PARVG: variants seen among roughly 807,000 people sequenced by gnomAD.
The protein encoded by PARVG is parvin gamma, also known as gamma-parvin.
In PARVG, 36 loss-of-function variants were observed where a neutral mutation model predicts 44.4. The observed-to-expected ratio is 0.81, with a 90% CI of 0.62 to 1.07. The LOEUF is 1.07. PARVG is among the 50% of genes least tolerant of loss of function. PARVG has a pLI of 0.00. For synonymous variants in PARVG, 170 were observed against 174.1 expected (o/e 0.98, Z 0.19); for missense variants, 407 against 407.4 (o/e 1.00, Z 0.01).
chr22:44,190,498 C>G, intron 6 of PARVG, 53 bp from the exon 7 acceptor site: 1 of 1,365,024 alleles, frequency 7.3e-7, no homozygotes, highest in Non-Finnish European at 1.0e-6. Context: ...CTCCATTTGG[C>G]TGCACGTTTT....
chr22:44,183,474 T>C, intron 3 of PARVG, 66 bp downstream of exon 3: 1 of 1,426,268 alleles, frequency 7.0e-7, no homozygotes, highest in Non-Finnish European at 9.3e-7. Context: ...AGCCTGGCCA[T>C]GCCTGGGACT....
rs1238000830 is a variant in PARVG, at chr22:44,187,788, T to A, written c.157T>A (p.Trp53Arg). The change falls in exon 5 of 14, where the codon TGG (tryptophan) becomes AGG (arginine). Residue 53 changes from tryptophan to arginine, a missense_variant. Trp to Arg is a moderately radical substitution (Grantham distance 101). Coordinates refer to ENST00000444313, the MANE Select transcript of PARVG (RefSeq NM_022141.7). ...FEELQKVLME[W>R]INATLLPEHI... ...TTGGAGCCTGCAGGTGTTGATGGAGTGGATCAATGCCACTCTTCTCCCCGA... is the reference window on the plus strand; with the variant it reads ...TTGGAGCCTGCAGGTGTTGATGGAGAGGATCAATGCCACTCTTCTCCCCGA... The A allele has an allele frequency of 1.2e-6, 2 of 1,614,018 alleles. No individual in the cohort carries two copies. The highest frequency in any genetic ancestry group is 8.5e-7 in the Non-Finnish European group (1 of 1,179,970).
intron 12 of PARVG, 100 bp downstream of exon 12, chr22:44,198,822 A>G: frequency 1.1e-6 from 1 of 925,760 alleles, no homozygotes. Flanking sequence ...GGTGAAGTGA[A>G]GGGTGTAGGG....
At chr22:44,190,500 G>T (rs1250848549) in intron 6 of PARVG, 51 bp from the exon 7 acceptor site, 1 of 1,386,110 alleles carries the variant, frequency 7.2e-7, no homozygotes, top group East Asian at 2.3e-5. Context: ...CCATTTGGCT[G>T]CACGTTTTGG....
At chr22:44,195,550 G>A (rs542416376) in intron 9 of PARVG, among the ~76,000 whole-genome samples, 1 of 152,366 alleles carries the variant, frequency 6.6e-6, no homozygotes, top group Admixed American at 6.5e-5. Flanking sequence ...GGACCCCAGG[G>A]CCTGAGCCGC....
rs561201222 is a variant in PARVG at position 44,185,490 on chromosome 22, C to G, written c.80-318C>G. The G allele has an allele frequency of 2.0e-4, 53 of 268,646 alleles. No individual in the cohort carries two copies. The South Asian group carries it at 2.1e-3, about 11-fold the overall frequency. The allele number at this position is 268,646 out of a possible 1,614,324, so 16.6% of individuals were successfully genotyped here. On this transcript the variant is annotated intron_variant, in intron 3 of 13. Coordinates refer to ENST00000444313, the MANE Select transcript of PARVG (RefSeq NM_022141.7). ...AGAGCCTGGTGAGCCTGGGCACCTC[C>G]TCCCCTCTCTGGCTGGGGTTTCACT...
chr22:44,193,266 G>C (rs1235511566), intron 8 of PARVG, among the ~76,000 whole-genome samples: 1 of 152,178 alleles, frequency 6.6e-6, no homozygotes, highest in Non-Finnish European at 1.5e-5. Context: ...AATAAAAATG[G>C]AGTGAAAGAA....
intron 6 of PARVG, among the ~76,000 whole-genome samples, chr22:44,189,778 G>A (rs1013803841): frequency 9.9e-5 from 15 of 152,170 alleles, no homozygotes; most frequent in African/African-American, 2.7e-4. Flanking sequence ...TTAGCTGGGC[G>A]TGGTGGCCGG....
intron 12 of PARVG, 91 bp downstream of exon 12, chr22:44,198,813 G>A: frequency 1.0e-6 from 1 of 1,003,488 alleles, no homozygotes; most frequent in Non-Finnish European, 1.6e-6. Context: ...TCACTTCCAG[G>A]TGAAGTGAAG....
chr22:44,176,030 A>G (rs2054316194), upstream of PARVG, among the ~76,000 whole-genome samples: 1 of 152,140 alleles, frequency 6.6e-6, no homozygotes, highest in Admixed American at 6.6e-5. Context: ...ACATCCACAC[A>G]GGGTTCTGAT....
rs115441623 is a variant in PARVG at position 44,186,211 on chromosome 22, C to T, written c.144+339C>T. On this transcript the variant is annotated intron_variant, in intron 4 of 13. Transcript: ENST00000444313. ...CATCTGTCAGGGGCACGCAGCTGCC[C>T]GTAACGGAGCTGTGGTTTGACACGA... 747 of 307,962 alleles carry T rather than the reference C, an allele frequency of 2.4e-3. 4 individuals are homozygous for T. The highest frequency in any genetic ancestry group is 0.015 in the African/African-American group (688 of 46,440). 19.1% of individuals were successfully genotyped at this position (307,962 alleles called of 1,614,324 possible). A position where few individuals can be genotyped will look rare whatever the true frequency, so the allele number is the denominator to read the frequency against.
At chr22:44,197,984 G>C (rs910277325) in intron 11 of PARVG, among the ~76,000 whole-genome samples, 4 of 152,174 alleles carry the variant, frequency 2.6e-5, no homozygotes, top group Non-Finnish European at 2.9e-5. Flanking sequence ...ATAAAATGGG[G>C]TAAGGAAGTC....
intron 9 of PARVG, among the ~76,000 whole-genome samples, chr22:44,194,406 C>T (rs79290295): frequency 0.014 from 2,114 of 152,242 alleles, 30 homozygotes; most frequent in Non-Finnish European, 0.023. Context: ...TCTTCCCCTT[C>T]CCATCCATTA....
At position 44,196,331 on chromosome 22, in the gene PARVG, G is replaced by C; in HGVS notation, c.643-16G>C. The C allele has an allele frequency of 2.5e-6, 4 of 1,614,206 alleles. No individual in the cohort carries two copies. Among genetic ancestry groups the C allele is most frequent in the Non-Finnish European group, 3.4e-6 (4 of 1,180,022 alleles). On this transcript the variant is annotated splice_polypyrimidine_tract_variant and intron_variant, in intron 10 of 13. Coordinates refer to ENST00000444313, the MANE Select transcript of PARVG (RefSeq NM_022141.7). ...CACACCTGCTGTGTGCTAGGCCCTT[G>C]TTCTTCCCTGGTTAGGCCATCGTGA...
chr22:44,199,252 G>A (rs542021587), intron 12 of PARVG, among the ~76,000 whole-genome samples: 1 of 151,534 alleles, frequency 6.6e-6, no homozygotes, highest in Non-Finnish European at 1.5e-5. Flanking sequence ...CCACCCATAG[G>A]AAGTTTATCT....
At position 44,206,706 on chromosome 22, in the gene PARVG, C is replaced by T. The variant is rs2054786836; in HGVS notation, c.*280C>T. 1 of 430,902 alleles carries T rather than the reference C, an allele frequency of 2.3e-6. No homozygotes were observed. Among genetic ancestry groups the T allele is most frequent in the Non-Finnish European group, 4.3e-6 (1 of 234,726 alleles). The allele number at this position is 430,902 out of a possible 1,614,324, so 26.7% of individuals were successfully genotyped here. The stretch of plus-strand genomic sequence containing the variant: ...GGAGGGCCCTTAAACCTGCAGCCTC[C>T]CTCCCATGGGGTGAGTGTGTGTCAC... On this transcript the variant is annotated 3_prime_UTR_variant, in exon 14 of 14. Coordinates refer to ENST00000444313, the MANE Select transcript of PARVG (RefSeq NM_022141.7).
chr22:44,185,797 T>A lies in PARVG; in HGVS notation c.80-11T>A. The A allele has an allele frequency of 6.2e-7, 1 of 1,612,288 alleles. No individual in the cohort carries two copies. Among genetic ancestry groups the A allele is most frequent in the Non-Finnish European group, 8.5e-7 (1 of 1,178,800 alleles). On this transcript the variant is annotated splice_polypyrimidine_tract_variant and intron_variant, in intron 3 of 13. Transcript: ENST00000444313. ...GTCCCCATGCGCTTGTCATACCCAC[T>A]CTGCTTCCAGGAGGAAAGAAGAAAT...
chr22:44,179,808 A>G (rs530907357), upstream of PARVG, among the ~76,000 whole-genome samples: 2 of 143,262 alleles, frequency 1.4e-5, no homozygotes, highest in East Asian at 3.9e-4. The surrounding 1 kb of genome is among the most constrained non-coding windows in gnomAD (Gnocchi z 4.2). Flanking sequence ...TGGAGGAGAA[A>G]GGAATCTAAC....
At chr22:44,193,929 C>T in intron 9 of PARVG, 106 bp downstream of exon 9, 1 of 1,406,048 alleles carries the variant, frequency 7.1e-7, no homozygotes, top group Non-Finnish European at 1.0e-6. Flanking sequence ...ATTTCCCTGT[C>T]ACTTGCTGTT....
Sources: allele counts gnomAD v4.1 joint callset (sites outside exome capture counted in the v4.1 genomes callset), GRCh38; gene constraint gnomAD v4.1.1; non-coding constraint Gnocchi (gnomAD v3.1); transcripts MANE v1.5; gene names NCBI Gene and HGNC (gene_info 2026-07-23, HGNC 2026-07-21).